CCDC12: variants seen among roughly 807,000 people sequenced by gnomAD.
The protein encoded by CCDC12 is coiled-coil domain containing 12.
In CCDC12, 28 loss-of-function variants were observed where a neutral mutation model predicts 25.7. That is an observed-to-expected ratio of 1.09 (90% CI 0.81 to 1.50). The LOEUF is 1.50. Ranked by LOEUF, CCDC12 falls within the 40% of genes most tolerant of loss-of-function variation. CCDC12 has a pLI of 0.00. For missense variants in CCDC12, 198 were observed against 210.0 expected (o/e 0.94, Z 0.35); for synonymous variants, 75 against 87.7 (o/e 0.86, Z 0.81).
In CCDC12 at chr3:46,944,580, TCTTGCCATCTTCTCCC is replaced by T. The variant is rs1490376180; in HGVS notation, c.97-3531_97-3516del. Among the ~76,000 whole-genome samples, 4 of 151,778 alleles carry T rather than the reference TCTTGCCATCTTCTCCC, an allele frequency of 2.6e-5. 1 individual carries two copies. In the South Asian group the frequency reaches 8.3e-4, roughly 32 times the overall value. On this transcript the variant is annotated intron_variant, in intron 1 of 6. Coordinates refer to ENST00000683445, the MANE Select transcript of CCDC12 (RefSeq NM_001277074.2). ...CTCCCCACTCAATACCCTTCCCAAATCTTGCCATCTTCTCCCTCCTTCCCAATCCCTAGTCTCGTCT... is the reference window on the plus strand; with the variant it reads ...CTCCCCACTCAATACCCTTCCCAAATTCCTTCCCAATCCCTAGTCTCGTCT...
chr3:46,933,365 G>A (rs921350545), intron 2 of CCDC12, among the ~76,000 whole-genome samples: 1 of 152,172 alleles, frequency 6.6e-6, no homozygotes, highest in Non-Finnish European at 1.5e-5. Flanking sequence ...GAGCTGGCTG[G>A]GGATGAGATC....
upstream of CCDC12, among the ~76,000 whole-genome samples, chr3:46,979,044 T>C (rs1423727080): frequency 6.6e-6 from 1 of 152,086 alleles, no homozygotes; most frequent in East Asian, 1.9e-4. Context: ...AAACAACATA[T>C]GTGAAGCAAG....
At position 46,930,942 on chromosome 3, in the gene CCDC12, A is replaced by C. The variant is rs890943876; in HGVS notation, c.165-5407T>G. Among the ~76,000 whole-genome samples the C allele has an allele frequency of 2.6e-5, 4 of 152,298 alleles. No individual in the cohort carries two copies. The East Asian group carries it at 7.7e-4, about 29-fold the overall frequency. ...GTCTTTCACAGCCTGCCCTAAATGC[A>C]CCAGGCAGCTCCAGGAGGGGCTCAG... On this transcript the variant is annotated intron_variant, in intron 2 of 6. Transcript: ENST00000683445.
chr3:46,940,585 C>A, intron 2 of CCDC12: 1 of 175,912 alleles, frequency 5.7e-6, no homozygotes, highest in Non-Finnish European at 1.2e-5. Flanking sequence ...TGGCAAGGGC[C>A]GACCACAAAG....
At chr3:46,964,092 C>A (rs933959598) in intron 1 of CCDC12, among the ~76,000 whole-genome samples, 1 of 152,066 alleles carries the variant, frequency 6.6e-6, no homozygotes, top group East Asian at 1.9e-4. Context: ...GTGAGGAGCG[C>A]CTCTGCCTAG....
At chr3:46,969,477 C>G (rs2034737002) in intron 1 of CCDC12, among the ~76,000 whole-genome samples, 1 of 152,186 alleles carries the variant, frequency 6.6e-6, no homozygotes, top group African/African-American at 2.4e-5. Context: ...AAGCGATCTG[C>G]CCACTTTGGC....
upstream of CCDC12, chr3:46,977,001 C>A: frequency 1.9e-6 from 1 of 532,462 alleles, no homozygotes; most frequent in Non-Finnish European, 3.3e-6. Context: ...TCGATTTATC[C>A]AACGCTGATC....
At chr3:46,952,709 T>C (rs975239342) in intron 1 of CCDC12, among the ~76,000 whole-genome samples, 4 of 152,232 alleles carry the variant, frequency 2.6e-5, no homozygotes, top group African/African-American at 9.6e-5. Context: ...GTAATAACAG[T>C]ATGCCAGGCA....
intron 1 of CCDC12, among the ~76,000 whole-genome samples, chr3:46,971,898 C>T (rs569316369): frequency 6.6e-6 from 1 of 152,256 alleles, no homozygotes; most frequent in Admixed American, 6.5e-5. Context: ...AAGCCGCTTC[C>T]TCTCTGAAGG....
At chr3:46,922,168 G>C (rs375177954) in intron 6 of CCDC12, 29 bp from the exon 7 acceptor site, 5 of 1,614,204 alleles carry the variant, frequency 3.1e-6, no homozygotes, top group Non-Finnish European at 2.5e-6. Flanking sequence ...AGAAGGGGTG[G>C]GGAGGGGCCC....
intron 1 of CCDC12, among the ~76,000 whole-genome samples, chr3:46,952,254 G>A (rs1319376128): frequency 1.3e-5 from 2 of 152,136 alleles, no homozygotes; most frequent in Admixed American, 6.5e-5. Flanking sequence ...CCATGTTACA[G>A]GAACTTCTGT....
intron 1 of CCDC12, among the ~76,000 whole-genome samples, chr3:46,949,717 A>G (rs1317653822): frequency 6.6e-6 from 1 of 152,206 alleles, no homozygotes; most frequent in Non-Finnish European, 1.5e-5. Flanking sequence ...AGGGTCCCGC[A>G]TGACCCTGCA....
chr3:46,967,695 G>A (rs2034681678), intron 1 of CCDC12, among the ~76,000 whole-genome samples: 1 of 152,126 alleles, frequency 6.6e-6, no homozygotes, highest in African/African-American at 2.4e-5. Context: ...AGGCAAGGAG[G>A]AAGTCTTGTT....
At chr3:46,956,922 G>C (rs1484205077) in intron 1 of CCDC12, among the ~76,000 whole-genome samples, 1 of 152,142 alleles carries the variant, frequency 6.6e-6, no homozygotes, top group African/African-American at 2.4e-5. Context: ...GAGAAGCCAG[G>C]GCCAGACCTC....
At chr3:46,947,318 C>A (rs958759895) in intron 1 of CCDC12, among the ~76,000 whole-genome samples, 1 of 152,192 alleles carries the variant, frequency 6.6e-6, no homozygotes, top group Non-Finnish European at 1.5e-5. Context: ...GCAAACTTGG[C>A]AGGCTCCCCA....
At chr3:46,941,169 T>C in intron 1 of CCDC12, 104 bp from the exon 2 acceptor site, 2 of 1,065,012 alleles carry the variant, frequency 1.9e-6, no homozygotes, top group South Asian at 1.3e-5. Flanking sequence ...GGGGGGCACC[T>C]GGCAGGGCCC....
chr3:46,940,255 A>AGGCTCTGT (rs2033646502), intron 2 of CCDC12, among the ~76,000 whole-genome samples: 1 of 152,208 alleles, frequency 6.6e-6, no homozygotes, highest in African/African-American at 2.4e-5. Context: ...GCAGCATCTG[A>AGGCTCTGT]GGCTCTGTGG....
chr3:46,949,546 G>A (rs1173136059), intron 1 of CCDC12, among the ~76,000 whole-genome samples: 1 of 152,210 alleles, frequency 6.6e-6, no homozygotes. Context: ...CCAGCCTGCA[G>A]CCCTGGACTG....
At chr3:46,928,741 G>A (rs59325570) in intron 2 of CCDC12, among the ~76,000 whole-genome samples, 5,469 of 152,252 alleles carry the variant, frequency 0.036, 316 homozygotes, top group African/African-American at 0.12. Flanking sequence ...AGTTATCAGT[G>A]AATCCGTTAT....
Sources: allele counts gnomAD v4.1 joint callset (sites outside exome capture counted in the v4.1 genomes callset), GRCh38; gene constraint gnomAD v4.1.1; transcripts MANE v1.5; gene names NCBI Gene and HGNC (gene_info 2026-07-23, HGNC 2026-07-21).